Variants in ELOVL2 observed in about 807,000 individuals in gnomAD.
ELOVL2 encodes ELOVL fatty acid elongase 2, also known as very long chain fatty acid elongase 2.
In ELOVL2, 38 loss-of-function variants were observed where a neutral mutation model predicts 37.7. The ratio of observed to expected loss-of-function variants is 1.01; its 90% CI spans 0.78 to 1.32. The LOEUF (loss-of-function observed/expected upper bound fraction) is 1.32, where lower values mean the gene tolerates loss of function less well. ELOVL2 is among the 40% of genes most tolerant of loss of function. The pLI, the probability that ELOVL2 is intolerant of heterozygous loss-of-function variation, is 0.00. For missense variants in ELOVL2, 352 were observed against 363.6 expected, an observed-to-expected ratio of 0.97 and a Z score of 0.26; for synonymous variants, 115 against 122.3, an observed-to-expected ratio of 0.94 and a Z score of 0.40.
chr6:10,988,368 C>T (rs1258920115), intron 7 of ELOVL2, among the ~76,000 whole-genome samples: 1 of 152,176 alleles, frequency 6.6e-6, no homozygotes, highest in Non-Finnish European at 1.5e-5. Flanking sequence ...AGTTCAAGAC[C>T]AGCCTGAACA....
chr6:11,009,871 A>G (rs1581870938), intron 2 of ELOVL2, among the ~76,000 whole-genome samples: 1 of 152,142 alleles, frequency 6.6e-6, no homozygotes, highest in East Asian at 1.9e-4. Flanking sequence ...TCCAGCTGAC[A>G]CTGAATAAAT....
intron 4 of ELOVL2, among the ~76,000 whole-genome samples, chr6:10,997,494 G>T (rs1581863779): frequency 6.6e-6 from 1 of 152,142 alleles, no homozygotes; most frequent in Non-Finnish European, 1.5e-5. Context: ...CCATTGGTTT[G>T]AAATGGTTTT....
rs548582883 is a variant in ELOVL2, at chr6:11,019,917, T to G, written c.4-9108A>C. On this transcript the variant is annotated intron_variant, in intron 1 of 7. Coordinates refer to ENST00000354666, the MANE Select transcript of ELOVL2 (RefSeq NM_017770.4). ...CACCACCACGCCCGGCCAATTTTTG[T>G]ATATTTAGTAGAGCTGAGGTTTCAC... 6.6e-4 allele frequency among the ~76,000 whole-genome samples: 100 copies of G among 152,108 alleles called. No homozygotes were observed. In the East Asian group the frequency reaches 0.012, roughly 19 times the overall value.
intron 5 of ELOVL2, among the ~76,000 whole-genome samples, chr6:10,992,427 C>T (rs1348240736): frequency 6.6e-6 from 1 of 151,804 alleles, no homozygotes; most frequent in Non-Finnish European, 1.5e-5. Context: ...GCATCTCAAA[C>T]TGTAGGTCAT....
intron 5 of ELOVL2, among the ~76,000 whole-genome samples, chr6:10,993,857 A>AT (rs530539525): frequency 0.025 from 1,943 of 79,058 alleles, 93 homozygotes; most frequent in Non-Finnish European, 0.032. Context: ...CGCCCAGCTA[A>AT]TTTTTTTTTT....
intron 2 of ELOVL2, among the ~76,000 whole-genome samples, chr6:11,006,056 A>G (rs976399711): frequency 2.0e-5 from 3 of 152,194 alleles, no homozygotes; most frequent in African/African-American, 2.4e-5. Context: ...CAGTCAGAGG[A>G]AAGAAGGCAT....
At chr6:11,006,087 C>T (rs1581868976) in intron 2 of ELOVL2, among the ~76,000 whole-genome samples, 1 of 152,228 alleles carries the variant, frequency 6.6e-6, no homozygotes, top group South Asian at 2.1e-4. Flanking sequence ...TATCCTAATT[C>T]CTAAAGCCCA....
chr6:10,983,944 G>A, intron 7 of ELOVL2, 38 bp from the exon 8 acceptor site: 2 of 1,563,488 alleles, frequency 1.3e-6, no homozygotes, highest in Non-Finnish European at 1.7e-6. Context: ...AAAATAAAAA[G>A]GTTATTTAAT....
At chr6:11,003,919 TAAAA>T (rs1182943453) in intron 3 of ELOVL2, among the ~76,000 whole-genome samples, 1 of 141,388 alleles carries the variant, frequency 7.1e-6, no homozygotes, top group Non-Finnish European at 1.6e-5. Flanking sequence ...CCATCTCTAC[TAAAA>T]AAAAAAAAAA....
In ELOVL2 at chr6:10,981,833, C is replaced by A. The variant is rs866176037; in HGVS notation, c.*1948G>T. ...TGGAACGCACTTTGGTAAGAGATTT[C>A]AGCCTATATTTGAGATCTAAACTGA... is the stretch of plus-strand genomic sequence containing the variant. On this transcript the variant is annotated 3_prime_UTR_variant, in exon 8 of 8. Transcript: ENST00000354666. The A allele has an allele frequency of 6.6e-6, 1 of 152,196 alleles. No individual in the cohort carries two copies. Among genetic ancestry groups the A allele is most frequent in the Non-Finnish European group, 1.5e-5 (1 of 68,040 alleles). The allele number at this position is 152,196 out of a possible 1,614,324, so 9.4% of individuals were successfully genotyped here. A position where few individuals can be genotyped will look rare whatever the true frequency, so the allele number is the denominator to read the frequency against.
Position 10,995,046 on chromosome 6 carries a change from T to C in ELOVL2, c.466A>G (p.Ile156Val). ...HVYHHASMFNIWWCVLNWIPC... is the reference protein window; with the variant it reads ...HVYHHASMFNVWWCVLNWIPC... ...ATCCAGTTCAAGACACACCACCAGA[T>C]GTTAAACATAGAAGCATGATGATAT... The change falls in exon 5 of 8, where the codon ATC becomes GTC. Residue 156 changes from isoleucine to valine, a missense_variant. Coordinates refer to ENST00000354666, the MANE Select transcript of ELOVL2 (RefSeq NM_017770.4). The C allele has an allele frequency of 6.2e-7, 1 of 1,612,436 alleles. No individual in the cohort carries two copies. The highest frequency in any genetic ancestry group is 8.5e-7 in the Non-Finnish European group (1 of 1,179,388).
chr6:11,009,122 G>C (rs1782527605), intron 2 of ELOVL2, among the ~76,000 whole-genome samples: 1 of 152,148 alleles, frequency 6.6e-6, no homozygotes, highest in Non-Finnish European at 1.5e-5. Context: ...GAGATAAATG[G>C]TGAGTAAAAC....
chr6:11,020,002 C>T (rs1050473539), intron 1 of ELOVL2, among the ~76,000 whole-genome samples: 2 of 152,176 alleles, frequency 1.3e-5, no homozygotes, highest in African/African-American at 4.8e-5. Context: ...CCTTGGCCTC[C>T]CAAAGTGCTG....
intron 1 of ELOVL2, among the ~76,000 whole-genome samples, chr6:11,038,936 AT>A (rs1442309048): frequency 6.6e-6 from 1 of 152,242 alleles, no homozygotes. Flanking sequence ...TGGAAAAAAA[AT>A]AAAGCAGTGT....
chr6:11,022,845 T>C (rs1359684469), intron 1 of ELOVL2, among the ~76,000 whole-genome samples: 6 of 152,204 alleles, frequency 3.9e-5, no homozygotes, highest in Non-Finnish European at 7.4e-5. Flanking sequence ...ATGACTATAA[T>C]AGTTTCTTTC....
At chr6:11,015,639 A>G (rs1214798906) in intron 1 of ELOVL2, 2 of 152,236 alleles carry the variant, frequency 1.3e-5, no homozygotes, top group Non-Finnish European at 2.9e-5. Context: ...CTGACTTCTT[A>G]TAGAAATCTG....
intron 1 of ELOVL2, among the ~76,000 whole-genome samples, chr6:11,020,965 T>C (rs1374714299): frequency 6.6e-6 from 1 of 152,190 alleles, no homozygotes; most frequent in Non-Finnish European, 1.5e-5. Flanking sequence ...ATGTATACAC[T>C]ATGCATCTTA....
At chr6:11,010,254 C>G (rs1040959096) in intron 2 of ELOVL2, among the ~76,000 whole-genome samples, 4 of 152,042 alleles carry the variant, frequency 2.6e-5, no homozygotes, top group Admixed American at 1.3e-4. Context: ...GAACTCCTGA[C>G]CTCATGATCC....
At chr6:11,007,040 G>A (rs1005241381) in intron 2 of ELOVL2, among the ~76,000 whole-genome samples, 8 of 152,176 alleles carry the variant, frequency 5.3e-5, no homozygotes, top group Non-Finnish European at 8.8e-5. Flanking sequence ...TTCTGTGCCA[G>A]GCACTATTCT....
Sources: gnomAD v4.1 joint callset for allele counts (sites outside exome capture counted in the v4.1 genomes callset) on GRCh38, gnomAD v4.1.1 for gene constraint, MANE v1.5 for transcripts, NCBI Gene and HGNC (gene_info 2026-07-23, HGNC 2026-07-21) for gene names.